BABAM2: variants seen among roughly 807,000 people sequenced by gnomAD.
The protein encoded by BABAM2 is BRISC and BRCA1-A complex member 2.
A neutral mutation model predicts 54.7 loss-of-function variants in BABAM2; 31 were observed. The ratio of observed to expected loss-of-function variants is 0.57; its 90% CI spans 0.43 to 0.77. The LOEUF (loss-of-function observed/expected upper bound fraction) is 0.77. Among genes scored for constraint, BABAM2 ranks in the 30% least tolerant of loss-of-function variants. BABAM2 has a pLI of 0.00. For missense variants in BABAM2, 364 were observed against 455.8 expected (o/e 0.80, Z 1.83); for synonymous variants, 167 against 162.9 (o/e 1.03, Z -0.19).
intron 6 of BABAM2, among the ~76,000 whole-genome samples, chr2:28,077,999 G>A (rs1006706612): frequency 6.6e-6 from 1 of 152,000 alleles, no homozygotes; most frequent in Non-Finnish European, 1.5e-5. Flanking sequence ...AGTTACCTGG[G>A]TCAACTATTG....
At chr2:28,153,115 GT>G (rs143709378) in intron 7 of BABAM2, among the ~76,000 whole-genome samples, 13,056 of 152,196 alleles carry the variant, frequency 0.086, 603 homozygotes, top group East Asian at 0.15. Flanking sequence ...TTCACTTGGA[GT>G]TGTTTTTTTT....
intron 3 of BABAM2, among the ~76,000 whole-genome samples, chr2:27,930,598 A>T (rs1668023552): frequency 6.6e-6 from 1 of 152,182 alleles, no homozygotes; most frequent in South Asian, 2.1e-4. Context: ...ACTTTTTCAA[A>T]ATTAAAAACA....
chr2:28,231,766 A>C (rs1681409184), intron 7 of BABAM2, among the ~76,000 whole-genome samples: 1 of 126,600 alleles, frequency 7.9e-6, no homozygotes, highest in African/African-American at 2.9e-5. Context: ...TAACCATTCT[A>C]ATGCTTTGAG....
chr2:28,069,956 G>T (rs1436112222), intron 6 of BABAM2, among the ~76,000 whole-genome samples: 2 of 152,170 alleles, frequency 1.3e-5, no homozygotes, highest in African/African-American at 4.8e-5. Flanking sequence ...GCTCACTGCA[G>T]CCTCTAACTG....
At chr2:27,889,929 T>A, upstream of BABAM2, 1 of 267,682 alleles carries the variant, frequency 3.7e-6, no homozygotes, top group Non-Finnish European at 7.1e-6. Context: ...CCCTGGCTCG[T>A]TTGGGGAAAG....
chr2:27,975,483 A>T (rs1404804357), intron 3 of BABAM2, among the ~76,000 whole-genome samples: 1 of 152,112 alleles, frequency 6.6e-6, no homozygotes, highest in Non-Finnish European at 1.5e-5. Flanking sequence ...TGGCAAAAGG[A>T]GTCTTCTCAG....
At chr2:28,114,527 TG>T (rs1467913682) in intron 6 of BABAM2, among the ~76,000 whole-genome samples, 3 of 152,200 alleles carry the variant, frequency 2.0e-5, no homozygotes, top group African/African-American at 4.8e-5. Context: ...CATTTTCATG[TG>T]TTTATATTGA....
intron 3 of BABAM2, 132 bp from the exon 4 acceptor site, chr2:27,987,861 T>A: frequency 7.8e-6 from 5 of 642,972 alleles, no homozygotes; most frequent in Non-Finnish European, 1.3e-5. Context: ...GAATTAATCA[T>A]CTGGAAAGTG....
At chr2:28,255,811 G>T (rs1683921632) in intron 10 of BABAM2, among the ~76,000 whole-genome samples, 1 of 152,038 alleles carries the variant, frequency 6.6e-6, no homozygotes, top group Non-Finnish European at 1.5e-5. Context: ...CATTACAGGT[G>T]TACACCACCA....
At chr2:28,069,886 C>A (rs1166646315) in intron 6 of BABAM2, among the ~76,000 whole-genome samples, 1 of 152,082 alleles carries the variant, frequency 6.6e-6, no homozygotes, top group African/African-American at 2.4e-5. Flanking sequence ...AAGTATGTTT[C>A]TTTTTTGAGA....
At chr2:28,250,584 C>CTTTTTTTTTTTTTTTTTTTTTTTTTTTTT (rs34597279) in intron 10 of BABAM2, among the ~76,000 whole-genome samples, 1 of 137,022 alleles carries the variant, frequency 7.3e-6, no homozygotes, top group African/African-American at 2.7e-5. Context: ...ATATTTTTTT[C>CTTTTTTTTTTTTTTTTTTTTTTTTTTTTT]TTTTTTTTTT....
intron 3 of BABAM2, among the ~76,000 whole-genome samples, chr2:27,965,648 G>T (rs1401923674): frequency 6.6e-6 from 1 of 151,934 alleles, no homozygotes; most frequent in Non-Finnish European, 1.5e-5. Flanking sequence ...TTTTTTGGTT[G>T]CTATATATAT....
chr2:28,124,821 A>G (rs892838875), intron 6 of BABAM2, among the ~76,000 whole-genome samples: 1 of 152,226 alleles, frequency 6.6e-6, no homozygotes, highest in Non-Finnish European at 1.5e-5. Flanking sequence ...TCTACAATGT[A>G]CAAATAAAAT....
chr2:28,071,639 T>G (rs1172035732), intron 6 of BABAM2, among the ~76,000 whole-genome samples: 3 of 152,228 alleles, frequency 2.0e-5, no homozygotes, highest in African/African-American at 7.2e-5. Flanking sequence ...TTAACTGGAA[T>G]AATTTTGTAA....
At chr2:28,047,857 A>G (rs1677711514) in intron 6 of BABAM2, among the ~76,000 whole-genome samples, 1 of 152,236 alleles carries the variant, frequency 6.6e-6, no homozygotes, top group South Asian at 2.1e-4. Flanking sequence ...GCAACAGCCA[A>G]AAAAACAGAA....
intron 4 of BABAM2, among the ~76,000 whole-genome samples, chr2:28,018,237 C>T (rs763433857): frequency 2.6e-5 from 4 of 152,182 alleles, no homozygotes; most frequent in Admixed American, 6.5e-5. Context: ...TTAGCTCCCA[C>T]GTGTGAGTGA....
intron 7 of BABAM2, among the ~76,000 whole-genome samples, chr2:28,135,427 C>T (rs573135897): frequency 1.3e-5 from 2 of 152,004 alleles, no homozygotes; most frequent in Middle Eastern, 3.4e-3. Context: ...TTTTTTCAAC[C>T]CATTAAATTA....
In BABAM2 at chr2:28,272,903, A is replaced by G. The variant is rs77354263; in HGVS notation, c.935-25435A>G. Among the ~76,000 whole-genome samples the G allele has an allele frequency of 7.3e-3, 1,117 of 152,170 alleles. 10 individuals carry two copies. Among genetic ancestry groups the G allele is most frequent in the African/African-American group, 0.025 (1,058 of 41,512 alleles). On this transcript the variant is annotated intron_variant, in intron 10 of 11. Coordinates refer to ENST00000379624, the MANE Select transcript of BABAM2 (RefSeq NM_199191.3). Reference sequence around the variant, plus strand: ...CGTGGCTGGGACGACATGTGGAGGGATACAGGTTTGGGAAATGGAGAGGCT... The same window carrying G: ...CGTGGCTGGGACGACATGTGGAGGGGTACAGGTTTGGGAAATGGAGAGGCT...
At chr2:27,939,635 A>G (rs886269532) in intron 3 of BABAM2, among the ~76,000 whole-genome samples, 1 of 152,244 alleles carries the variant, frequency 6.6e-6, no homozygotes, top group Non-Finnish European at 1.5e-5. Context: ...GGAAGAATGT[A>G]CAGTCATTTG....
Sources: gnomAD v4.1 joint callset for allele counts (sites outside exome capture counted in the v4.1 genomes callset) on GRCh38, gnomAD v4.1.1 for gene constraint, MANE v1.5 for transcripts, NCBI Gene and HGNC (gene_info 2026-07-23, HGNC 2026-07-21) for gene names.